Variants in ITGBL1 observed in about 807,000 individuals in gnomAD.
The protein encoded by ITGBL1 is integrin subunit beta like 1.
A neutral mutation model predicts 68.5 loss-of-function variants in ITGBL1; 51 were observed. The observed-to-expected ratio is 0.74, with a 90% CI of 0.59 to 0.94. The LOEUF is 0.94. ITGBL1 is among the 40% of genes least tolerant of loss of function. The pLI is 0.00. For missense variants in ITGBL1, 649 were observed against 647.4 expected, an observed-to-expected ratio of 1.00 and a Z score of -0.03; for synonymous variants, 209 against 227.3, an observed-to-expected ratio of 0.92 and a Z score of 0.72.
At chr13:101,470,749 G>A (rs1297567958) in intron 2 of ITGBL1, among the ~76,000 whole-genome samples, 1 of 152,100 alleles carries the variant, frequency 6.6e-6, no homozygotes, top group Non-Finnish European at 1.5e-5. Context: ...TCCTTTTCTA[G>A]TAGGACAACA....
rs1177488434 is a variant in ITGBL1 at position 101,704,916 on chromosome 13, ATTTG to A, written c.1133-1836_1133-1833del. The stretch of plus-strand genomic sequence containing the variant: ...GAAAAAGACCACAATTACCTCATTT[ATTTG>A]TTTATTTATTTACTTTTTTCCTTTT... On this transcript the variant is annotated intron_variant, in intron 8 of 10. Coordinates refer to ENST00000376180, the MANE Select transcript of ITGBL1 (RefSeq NM_004791.3). Among the ~76,000 whole-genome samples, 9 of 152,164 alleles carry A rather than the reference ATTTG, an allele frequency of 5.9e-5. No individual in the cohort carries two copies. The South Asian group carries it at 1.5e-3, about 25-fold the overall frequency.
Position 101,585,555 on chromosome 13 carries a change from C to T in ITGBL1, c.868+2199C>T, listed in dbSNP as rs376594712. Among the ~76,000 whole-genome samples the T allele has an allele frequency of 9.2e-5, 14 of 152,170 alleles. No homozygotes were observed. The East Asian group carries it at 1.6e-3, about 17-fold the overall frequency. On this transcript the variant is annotated intron_variant, in intron 6 of 10. Coordinates refer to ENST00000376180, the MANE Select transcript of ITGBL1 (RefSeq NM_004791.3). ...ACACCATTCTCCTGCCTCAGCCTCC[C>T]GAGCAGCTGGGGCTACAGGTGCCCA...
intron 2 of ITGBL1, among the ~76,000 whole-genome samples, chr13:101,480,342 G>A (rs1220577463): frequency 6.6e-6 from 1 of 151,790 alleles, no homozygotes; most frequent in African/African-American, 2.4e-5. Context: ...AGTGGCAGAG[G>A]GGTGGAAGTG....
chr13:101,543,502 A>T (rs187670217), intron 2 of ITGBL1, among the ~76,000 whole-genome samples: 63 of 151,944 alleles, frequency 4.1e-4, no homozygotes, highest in African/African-American at 1.5e-3. Flanking sequence ...TTTTTCCCTC[A>T]TTTCAACTTT....
rs925114498 is a variant in ITGBL1 at position 101,598,081 on chromosome 13, T to A, written c.869-72T>A. The A allele has an allele frequency of 3.7e-6, 5 of 1,363,526 alleles. No homozygotes were observed. In the African/African-American group the frequency reaches 7.2e-5, roughly 20 times the overall value. 84.5% of individuals were successfully genotyped at this position (1,363,526 alleles called of 1,614,324 possible). On this transcript the variant is annotated intron_variant, in intron 6 of 10. Coordinates refer to ENST00000376180, the MANE Select transcript of ITGBL1 (RefSeq NM_004791.3). ...CCTGACTCATTTGTGACATTTGCTG[T>A]TAGAATGAAAACTAATTCCAACTTC...
intron 2 of ITGBL1, among the ~76,000 whole-genome samples, chr13:101,538,630 T>C (rs9557688): frequency 0.47 from 70,959 of 151,904 alleles, 18,090 homozygotes; most frequent in East Asian, 0.62. Context: ...AAGATCTCAC[T>C]ATAGAACTAT....
intron 4 of ITGBL1, among the ~76,000 whole-genome samples, chr13:101,578,332 C>A (rs9582509): frequency 0.02 from 3,114 of 152,156 alleles, 111 homozygotes; most frequent in African/African-American, 0.071. Context: ...ATGGAAAGAA[C>A]AAAGACTTTA....
chr13:101,675,433 T>A (rs903730803), intron 7 of ITGBL1, among the ~76,000 whole-genome samples: 1 of 152,184 alleles, frequency 6.6e-6, no homozygotes, highest in African/African-American at 2.4e-5. Context: ...AAGCTAGAAA[T>A]CCAAGACAAA....
At chr13:101,649,294 T>G (rs2032668026) in intron 7 of ITGBL1, among the ~76,000 whole-genome samples, 1 of 152,158 alleles carries the variant, frequency 6.6e-6, no homozygotes. Flanking sequence ...GGGATGTGTC[T>G]TCCTATTATT....
chr13:101,473,803 G>A (rs2048496986), intron 2 of ITGBL1, among the ~76,000 whole-genome samples: 1 of 152,156 alleles, frequency 6.6e-6, no homozygotes, highest in Admixed American at 6.5e-5. Flanking sequence ...ATAAAATAGT[G>A]TACCAGAGCC....
At chr13:101,506,156 TCCTAAAATGTGAGAATGTACTGCTGAG>T (rs2049023761) in intron 2 of ITGBL1, among the ~76,000 whole-genome samples, 1 of 152,182 alleles carries the variant, frequency 6.6e-6, no homozygotes, top group Non-Finnish European at 1.5e-5. Context: ...ACTTCAGATG[TCCTAAAATGTGAGAATGTACTGCTGAG>T]CCAAATAAGA....
intron 3 of ITGBL1, among the ~76,000 whole-genome samples, chr13:101,570,980 TG>T (rs780324351): frequency 2.9e-4 from 44 of 152,162 alleles, no homozygotes; most frequent in Non-Finnish European, 4.3e-4. Flanking sequence ...AATATATGCC[TG>T]TGCATATACA....
intron 7 of ITGBL1, among the ~76,000 whole-genome samples, chr13:101,602,704 T>C (rs2030460279): frequency 6.6e-6 from 1 of 151,984 alleles, no homozygotes; most frequent in African/African-American, 2.4e-5. Flanking sequence ...TAAAATACCC[T>C]GTTACCCTAT....
At chr13:101,509,019 A>C (rs934099353) in intron 2 of ITGBL1, among the ~76,000 whole-genome samples, 1 of 152,180 alleles carries the variant, frequency 6.6e-6, no homozygotes, top group Non-Finnish European at 1.5e-5. Context: ...AAGCTTTCAT[A>C]TCTGTCATAT....
At chr13:101,504,315 A>T (rs1411731546) in intron 2 of ITGBL1, among the ~76,000 whole-genome samples, 1 of 151,804 alleles carries the variant, frequency 6.6e-6, no homozygotes, top group Non-Finnish European at 1.5e-5. Context: ...GCCCTCTCAG[A>T]GTCACGATCC....
At chr13:101,701,477 G>A (rs1194407463) in intron 8 of ITGBL1, among the ~76,000 whole-genome samples, 2 of 152,080 alleles carry the variant, frequency 1.3e-5, no homozygotes, top group Non-Finnish European at 2.9e-5. Flanking sequence ...AGGGTGCAGT[G>A]AGTCAAAATT....
chr13:101,539,377 T>A (rs1197305640), intron 2 of ITGBL1, among the ~76,000 whole-genome samples: 3 of 152,098 alleles, frequency 2.0e-5, no homozygotes, highest in Non-Finnish European at 2.9e-5. Context: ...ACAAAGGACA[T>A]GAACTCATCA....
intron 2 of ITGBL1, among the ~76,000 whole-genome samples, chr13:101,508,614 TTAAG>T (rs1566707380): frequency 6.6e-6 from 1 of 152,162 alleles, no homozygotes; most frequent in Non-Finnish European, 1.5e-5. Context: ...CTGATAAATA[TTAAG>T]TTTTATTATA....
chr13:101,605,508 G>GTA (rs146734889), intron 7 of ITGBL1, among the ~76,000 whole-genome samples: 2 of 137,210 alleles, frequency 1.5e-5, no homozygotes, highest in Non-Finnish European at 3.1e-5. Flanking sequence ...ATGTATATGC[G>GTA]TATACACATA....
Sources: allele counts gnomAD v4.1 joint callset (sites outside exome capture counted in the v4.1 genomes callset), GRCh38; gene constraint gnomAD v4.1.1; transcripts MANE v1.5; gene names NCBI Gene and HGNC (gene_info 2026-07-23, HGNC 2026-07-21).